STPG4: variants seen among roughly 807,000 people sequenced by gnomAD.
STPG4 encodes protein STPG4.
In STPG4, 41 loss-of-function variants were observed where a neutral mutation model predicts 31.5. That is an observed-to-expected ratio of 1.30 (90% confidence interval 1.01 to 1.69). STPG4 has a LOEUF of 1.69. Among genes scored for constraint, STPG4 ranks in the 40% most tolerant of loss-of-function variants. The pLI, the probability that STPG4 is intolerant of heterozygous loss-of-function variation, is 0.00. For missense variants in STPG4, 375 were observed against 293.4 expected, an observed-to-expected ratio of 1.28 and a Z score of -2.03; for synonymous variants, 141 against 103.0, an observed-to-expected ratio of 1.37 and a Z score of -2.24.
At chr2:47,131,358 C>A (rs1686480550) in intron 3 of STPG4, among the ~76,000 whole-genome samples, 1 of 152,148 alleles carries the variant, frequency 6.6e-6, no homozygotes, top group Non-Finnish European at 1.5e-5. Context: ...AACACCTGAG[C>A]TCAAGCAATC....
chr2:47,138,837 T>G (rs1425464718), intron 3 of STPG4, among the ~76,000 whole-genome samples: 1 of 151,932 alleles, frequency 6.6e-6, no homozygotes, highest in Non-Finnish European at 1.5e-5. Flanking sequence ...CATGAGCCAC[T>G]GCACCTGGCC....
At chr2:47,127,717 T>C (rs897540718) in intron 5 of STPG4, among the ~76,000 whole-genome samples, 1 of 152,244 alleles carries the variant, frequency 6.6e-6, no homozygotes, top group African/African-American at 2.4e-5. Context: ...ATTTATCTGA[T>C]AGAATTCTGA....
chr2:47,097,464 T>C (rs1685696506), intron 5 of STPG4, among the ~76,000 whole-genome samples: 1 of 152,108 alleles, frequency 6.6e-6, no homozygotes, highest in Non-Finnish European at 1.5e-5. Flanking sequence ...GGTGATTATG[T>C]CATTAGGGCT....
At chr2:47,137,259 T>C (rs1389951985) in intron 3 of STPG4, among the ~76,000 whole-genome samples, 2 of 152,238 alleles carry the variant, frequency 1.3e-5, no homozygotes, top group Admixed American at 6.5e-5. Flanking sequence ...CTTTTCTTTT[T>C]TAGCTGTTGA....
intron 5 of STPG4, among the ~76,000 whole-genome samples, chr2:47,112,820 T>G (rs901570921): frequency 7.9e-5 from 12 of 151,880 alleles, no homozygotes; most frequent in Non-Finnish European, 1.3e-4. Flanking sequence ...CTGGGCAACA[T>G]AGTGAGATCC....
chr2:47,110,774 C>T (rs1177358895), intron 5 of STPG4, among the ~76,000 whole-genome samples: 2 of 152,170 alleles, frequency 1.3e-5, no homozygotes, highest in Non-Finnish European at 2.9e-5. Context: ...TTTGATCCTG[C>T]ATTTTTCACT....
At chr2:47,101,906 G>A (rs993642704) in intron 5 of STPG4, among the ~76,000 whole-genome samples, 2 of 151,768 alleles carry the variant, frequency 1.3e-5, no homozygotes, top group Non-Finnish European at 2.9e-5. Context: ...ACACTAACAG[G>A]AGAATGCTTA....
intron 5 of STPG4, among the ~76,000 whole-genome samples, chr2:47,107,609 C>T (rs566753550): frequency 4.8e-4 from 73 of 152,256 alleles, no homozygotes; most frequent in African/African-American, 8.2e-4. Flanking sequence ...TGATGAGTGC[C>T]GCCCCCTGCT....
intron 5 of STPG4, among the ~76,000 whole-genome samples, chr2:47,107,190 G>A (rs1342414441): frequency 6.6e-6 from 1 of 152,102 alleles, no homozygotes; most frequent in Non-Finnish European, 1.5e-5. Context: ...CACTTAAGGA[G>A]CCCTTCAGCC....
intron 5 of STPG4, among the ~76,000 whole-genome samples, chr2:47,102,315 A>T (rs535102324): frequency 6.6e-6 from 1 of 151,882 alleles, no homozygotes; most frequent in East Asian, 1.9e-4. Context: ...ACATTCAGGC[A>T]TCAACAGGCC....
At position 47,155,232 on chromosome 2, in the gene STPG4, G is replaced by GCGA; in HGVS notation, c.17_19dup (p.Val6dup). ...TTCCCTTATTGAGGTGGAAGCGGTG[G>GCGA]CGACGGCTGGCTGGTCCATGGTGGC... On this transcript the variant is annotated inframe_insertion, in exon 1 of 7. Coordinates refer to ENST00000445927, the MANE Select transcript of STPG4 (RefSeq NM_001163561.2). The GCGA allele has an allele frequency of 6.2e-7, 1 of 1,614,172 alleles. No individual in the cohort carries two copies. The highest frequency in any genetic ancestry group is 8.5e-7 in the Non-Finnish European group (1 of 1,180,026).
At chr2:47,099,020 C>A (rs535107950) in intron 5 of STPG4, among the ~76,000 whole-genome samples, 8 of 152,312 alleles carry the variant, frequency 5.3e-5, no homozygotes, top group Non-Finnish European at 7.3e-5. Flanking sequence ...TTGGCGATAC[C>A]TCTGAAGTCT....
intron 5 of STPG4, among the ~76,000 whole-genome samples, chr2:47,092,933 C>G (rs1367322511): frequency 6.6e-6 from 1 of 152,146 alleles, no homozygotes; most frequent in Non-Finnish European, 1.5e-5. Context: ...GCTAGGACTA[C>G]AGGTGCGTGC....
chr2:47,091,958 G>A (rs544461121), intron 5 of STPG4, among the ~76,000 whole-genome samples: 24 of 150,420 alleles, frequency 1.6e-4, no homozygotes, highest in African/African-American at 5.6e-4. Context: ...GCAGTCCAGT[G>A]TTGATGAGTT....
At chr2:47,091,708 A>G (rs917133940) in intron 5 of STPG4, among the ~76,000 whole-genome samples, 3 of 152,222 alleles carry the variant, frequency 2.0e-5, no homozygotes, top group African/African-American at 7.2e-5. Flanking sequence ...GTTTCAATAC[A>G]GTATTCTAAG....
intron 3 of STPG4, among the ~76,000 whole-genome samples, chr2:47,143,689 C>T (rs1686762111): frequency 6.6e-6 from 1 of 151,888 alleles, no homozygotes; most frequent in Admixed American, 6.6e-5. Flanking sequence ...AGGGTTTCAC[C>T]GTGTTAGCCA....
intron 5 of STPG4, among the ~76,000 whole-genome samples, chr2:47,122,525 C>T (rs1034273051): frequency 6.6e-6 from 1 of 151,932 alleles, no homozygotes; most frequent in Non-Finnish European, 1.5e-5. Context: ...GAATCTAACA[C>T]CTTTTCCAAG....
At chr2:47,130,041 T>A in intron 4 of STPG4, 46 bp from the exon 5 acceptor site, 1 of 1,488,332 alleles carries the variant, frequency 6.7e-7, no homozygotes, top group East Asian at 2.3e-5. Context: ...AAATCTATTT[T>A]TTAAAGATCT....
chr2:47,121,388 C>G lies in STPG4; in HGVS notation c.519+8553G>C, dbSNP rs558346142. On this transcript the variant is annotated intron_variant, in intron 5 of 6. Transcript: ENST00000445927. ...CTGAATGATGAGACCACAGGCCCCTCCCTCCACTCAGCTCCCAGAACACTG... is the reference window on the plus strand; with the variant it reads ...CTGAATGATGAGACCACAGGCCCCTGCCTCCACTCAGCTCCCAGAACACTG... Among the ~76,000 whole-genome samples the G allele has an allele frequency of 7.2e-4, 109 of 152,294 alleles. 1 individual carries two copies. The South Asian group carries it at 0.02, about 29-fold the overall frequency.
Sources: allele counts gnomAD v4.1 joint callset (sites outside exome capture counted in the v4.1 genomes callset), GRCh38; gene constraint gnomAD v4.1.1; transcripts MANE v1.5; gene names NCBI Gene and HGNC (gene_info 2026-07-23, HGNC 2026-07-21).